Variants in SCCPDH observed in about 807,000 individuals in gnomAD.
SCCPDH encodes the protein saccharopine dehydrogenase (putative).
Under a neutral mutation model 51.5 loss-of-function variants are expected in SCCPDH, and 34 were observed. That is an observed-to-expected ratio of 0.66 (90% CI 0.50 to 0.88). The LOEUF (loss-of-function observed/expected upper bound fraction) is 0.88. Among genes scored for constraint, SCCPDH ranks in the 40% least tolerant of loss-of-function variants. The pLI is 0.00. For synonymous variants in SCCPDH, 187 were observed against 191.3 expected (o/e 0.98, Z 0.19); for missense variants, 464 against 527.1 (o/e 0.88, Z 1.17).
At chr1:246,751,037 AGGGGTTT>A (rs913636063) in intron 5 of SCCPDH, among the ~76,000 whole-genome samples, 26 of 152,226 alleles carry the variant, frequency 1.7e-4, no homozygotes, top group African/African-American at 6.3e-4. Context: ...TTCGCTCATA[AGGGGTTT>A]GGATAACATT....
rs138814160 is a variant in SCCPDH at position 246,743,998 on chromosome 1, G to A, written c.515-78G>A. 83 of 799,500 alleles carry A rather than the reference G, an allele frequency of 1.0e-4. No individual in the cohort carries two copies. In the African/African-American group the frequency reaches 1.1e-3, roughly 10 times the overall value. 49.5% of individuals were successfully genotyped at this position (799,500 alleles called of 1,614,324 possible). A position where few individuals can be genotyped will look rare whatever the true frequency, so the allele number is the denominator to read the frequency against. ...GAAAAGCTAGTCCCTAAGTGAATAC[G>A]CATTGTTTATTATTACTTACCCCAA... On this transcript the variant is annotated intron_variant, in intron 4 of 11. Coordinates refer to ENST00000366510, the MANE Select transcript of SCCPDH (RefSeq NM_016002.3).
intron 6 of SCCPDH, among the ~76,000 whole-genome samples, chr1:246,758,833 C>CTT (rs1668971079): frequency 6.7e-6 from 1 of 148,662 alleles, no homozygotes. Flanking sequence ...TTTTTTTTTT[C>CTT]TTTTGAGACA....
At chr1:246,766,900 A>G (rs1031769877) in intron 11 of SCCPDH, among the ~76,000 whole-genome samples, 4 of 152,192 alleles carry the variant, frequency 2.6e-5, no homozygotes, top group African/African-American at 9.7e-5. Context: ...CCTTGTAAAC[A>G]GCAGCGGTTC....
At chr1:246,729,920 C>T (rs190508631) in intron 2 of SCCPDH, among the ~76,000 whole-genome samples, 20 of 152,280 alleles carry the variant, frequency 1.3e-4, no homozygotes, top group Admixed American at 1.1e-3. Flanking sequence ...TCCCTCTGTT[C>T]GGGGTCCCTG....
At chr1:246,737,556 T>C (rs1397773585) in intron 3 of SCCPDH, among the ~76,000 whole-genome samples, 1 of 152,022 alleles carries the variant, frequency 6.6e-6, no homozygotes, top group Admixed American at 6.6e-5. Flanking sequence ...GAAAAGCTTT[T>C]AAGTCATCTA....
intron 9 of SCCPDH, 114 bp from the exon 10 acceptor site, chr1:246,764,132 A>G (rs1669056610): frequency 1.6e-6 from 1 of 617,474 alleles, no homozygotes; most frequent in Non-Finnish European, 2.9e-6. Context: ...GGCAGATAAA[A>G]TAATGTTTTC....
intron 2 of SCCPDH, among the ~76,000 whole-genome samples, chr1:246,732,075 G>A (rs953787724): frequency 2.6e-5 from 4 of 152,128 alleles, no homozygotes; most frequent in Non-Finnish European, 4.4e-5. Context: ...AGTATTCCAT[G>A]GTGTATATGT....
intron 2 of SCCPDH, among the ~76,000 whole-genome samples, chr1:246,734,564 T>C (rs745950494): frequency 6.6e-6 from 1 of 152,166 alleles, no homozygotes; most frequent in Admixed American, 6.5e-5. Flanking sequence ...TTTCACACAC[T>C]TCTCCCAGTC....
At chr1:246,734,793 A>T (rs1424661673) in intron 2 of SCCPDH, among the ~76,000 whole-genome samples, 1 of 152,252 alleles carries the variant, frequency 6.6e-6, no homozygotes, top group Non-Finnish European at 1.5e-5. Context: ...CTACTTCTTC[A>T]CAAAGGAAAA....
In SCCPDH at chr1:246,724,537, C is replaced by A. The variant is rs2102977719; in HGVS notation, c.115C>A (p.Arg39Ser). Residue 39 changes from arginine to serine, a missense_variant, in exon 1 of 12, where the codon CGC becomes AGC. Transcript: ENST00000366510. ...REQVDPERSS[R>S]LPWAVAGRSR... ...GCAGGTGGACCCGGAGCGGAGCTCC[C>A]GCCTGCCCTGGGCCGTGGCGGGCCG... The A allele has an allele frequency of 1.3e-6, 2 of 1,552,300 alleles. No individual in the cohort carries two copies. Among genetic ancestry groups the A allele is most frequent in the East Asian group, 5.0e-5 (2 of 40,210 alleles).
intron 4 of SCCPDH, among the ~76,000 whole-genome samples, chr1:246,742,749 A>G (rs1414065888): frequency 1.3e-5 from 2 of 152,178 alleles, no homozygotes; most frequent in Non-Finnish European, 2.9e-5. Context: ...AACCAGGAAC[A>G]TTGTCTCTTA....
chr1:246,726,794 AT>A (rs1668406234), intron 1 of SCCPDH, 97 bp from the exon 2 acceptor site: 1 of 782,424 alleles, frequency 1.3e-6, no homozygotes, highest in Admixed American at 2.1e-5. Context: ...ATATCAGTGT[AT>A]TTAGTAATTT....
At chr1:246,763,475 G>C (rs1409993241) in intron 9 of SCCPDH, among the ~76,000 whole-genome samples, 1 of 152,082 alleles carries the variant, frequency 6.6e-6, no homozygotes, top group Non-Finnish European at 1.5e-5. Flanking sequence ...CTCCTTTCTG[G>C]AATCCATCTA....
chr1:246,732,773 C>T (rs914421188), intron 2 of SCCPDH, among the ~76,000 whole-genome samples: 1 of 152,144 alleles, frequency 6.6e-6, no homozygotes, highest in African/African-American at 2.4e-5. Flanking sequence ...ATGTGCCTGG[C>T]CCCACACTAA....
intron 2 of SCCPDH, among the ~76,000 whole-genome samples, chr1:246,728,572 A>G (rs35650616): frequency 0.016 from 2,409 of 152,280 alleles, 28 homozygotes; most frequent in Non-Finnish European, 0.025. Context: ...GCTCTGCTCT[A>G]TTTCCCTCAG....
intron 5 of SCCPDH, among the ~76,000 whole-genome samples, chr1:246,745,459 AAT>A (rs1668743705): frequency 6.6e-6 from 1 of 152,196 alleles, no homozygotes; most frequent in African/African-American, 2.4e-5. Context: ...GAAAGAAAAA[AAT>A]GTTTGTTATT....
chr1:246,745,349 T>C (rs1572298984), intron 5 of SCCPDH, among the ~76,000 whole-genome samples: 1 of 152,366 alleles, frequency 6.6e-6, no homozygotes, highest in East Asian at 1.9e-4. Flanking sequence ...AAATATTGTA[T>C]AGTGGTGCAA....
At chr1:246,736,894 C>T (rs550723842) in intron 3 of SCCPDH, among the ~76,000 whole-genome samples, 6 of 152,090 alleles carry the variant, frequency 3.9e-5, no homozygotes, top group Non-Finnish European at 4.4e-5. Flanking sequence ...TTATCTTCCT[C>T]CATTTTTTGT....
chr1:246,760,219 CA>C lies in SCCPDH; in HGVS notation c.987del (p.Lys329AsnfsTer10). The C allele has an allele frequency of 6.2e-7, 1 of 1,607,846 alleles. No homozygotes were observed. Among genetic ancestry groups the C allele is most frequent in the Non-Finnish European group, 8.5e-7 (1 of 1,177,916 alleles). On this transcript the variant is annotated frameshift_variant, in exon 9 of 12. Transcript: ENST00000366510. LOFTEE classifies it high-confidence loss of function. ...CTATTTTTCAAAACAAGGCCCAACA[CA>C]AAAACAGGTAATTTCTTTTGTATTA... is the stretch of plus-strand genomic sequence containing the variant. The part of the protein sequence containing the change: ...FGYFSKQGPT[Q>X]KQIDAASFTL...
Sources: allele counts gnomAD v4.1 joint callset (sites outside exome capture counted in the v4.1 genomes callset), GRCh38; gene constraint gnomAD v4.1.1; transcripts MANE v1.5; gene names NCBI Gene and HGNC (gene_info 2026-07-23, HGNC 2026-07-21).